Variants in MYO1B observed in about 807,000 individuals in gnomAD.
MYO1B encodes the protein unconventional myosin-Ib.
A neutral mutation model predicts 159.7 loss-of-function variants in MYO1B; 72 were observed. The ratio of observed to expected loss-of-function variants is 0.45; its 90% confidence interval spans 0.37 to 0.55. The LOEUF is 0.55. MYO1B is among the 20% of genes least tolerant of loss of function. The pLI is 0.00. For synonymous variants in MYO1B, 468 were observed against 473.8 expected, an observed-to-expected ratio of 0.99 and a Z score of 0.16; for missense variants, 1,062 against 1,364.8, an observed-to-expected ratio of 0.78 and a Z score of 3.50.
In MYO1B at chr2:191,260,254, C is replaced by CT. The variant is rs57237733; in HGVS notation, c.-10+14641dup. Among the ~76,000 whole-genome samples, 95 of 61,002 alleles carry CT rather than the reference C, an allele frequency of 1.6e-3. 8 individuals are homozygous for CT. Among genetic ancestry groups the CT allele is most frequent in the African/African-American group, 2.7e-3 (74 of 27,442 alleles). The allele number at this position is 61,002 out of a possible 152,430, so 40.0% of individuals were successfully genotyped here. A position where few individuals can be genotyped will look rare whatever the true frequency, so the allele number is the denominator to read the frequency against. ...TAATATTACTTTTTTCCCAGATAGGCTTTTTTTTTTTTTGAATTAAAGCTA... is the reference window on the plus strand; with the variant it reads ...TAATATTACTTTTTTCCCAGATAGGCTTTTTTTTTTTTTTGAATTAAAGCTA... On this transcript the variant is annotated intron_variant, in intron 1 of 30. Coordinates refer to ENST00000392318, the MANE Select transcript of MYO1B (RefSeq NM_001130158.3).
chr2:191,368,888 C>A (rs1694182232), intron 11 of MYO1B, among the ~76,000 whole-genome samples: 1 of 152,124 alleles, frequency 6.6e-6, no homozygotes, highest in East Asian at 1.9e-4. Context: ...GCACGAAAAT[C>A]CCTTGAACCC....
intron 3 of MYO1B, among the ~76,000 whole-genome samples, chr2:191,303,954 T>A (rs1201940083): frequency 6.6e-6 from 1 of 152,210 alleles, no homozygotes; most frequent in Non-Finnish European, 1.5e-5. Flanking sequence ...CCTTTTCCTT[T>A]TATGCATGAC....
At chr2:191,384,899 A>G (rs1386198078) in intron 15 of MYO1B, among the ~76,000 whole-genome samples, 1 of 152,228 alleles carries the variant, frequency 6.6e-6, no homozygotes, top group African/African-American at 2.4e-5. Context: ...TTAAACAATA[A>G]TGTTTGTTCT....
intron 13 of MYO1B, among the ~76,000 whole-genome samples, chr2:191,377,134 T>C (rs560129529): frequency 2.8e-4 from 43 of 152,326 alleles, no homozygotes; most frequent in Middle Eastern, 6.8e-3. Flanking sequence ...TATATACTTC[T>C]AAACATAGTA....
intron 3 of MYO1B, among the ~76,000 whole-genome samples, chr2:191,297,345 T>C (rs2125816838): frequency 6.6e-6 from 1 of 152,282 alleles, no homozygotes; most frequent in East Asian, 1.9e-4. Flanking sequence ...CGGGAGTTGG[T>C]TGATGCAGCA....
At position 191,416,160 on chromosome 2, in the gene MYO1B, C is replaced by A. The variant is rs746904076; in HGVS notation, c.3205C>A (p.His1069Asn). Residue 1069 changes from histidine to asparagine, a missense_variant, in exon 30 of 31, where the codon CAC becomes AAC. This residue lies in a region of MYO1B where 609 missense variants were observed against 744.4 expected (regional missense o/e 0.82). Coordinates refer to ENST00000392318, the MANE Select transcript of MYO1B (RefSeq NM_001130158.3). Reference sequence around the variant, plus strand: ...AGGAGACTTTCTCTTCAGCAGTGATCACCTGATTGAAATGGCCACCAAGCT... The same window carrying A: ...AGGAGACTTTCTCTTCAGCAGTGATAACCTGATTGAAATGGCCACCAAGCT... ...SKGDFLFSSD[H>N]LIEMATKLYR... 2.5e-6 allele frequency: 4 copies of A among 1,614,116 alleles called. No individual in the cohort carries two copies. The highest frequency in any genetic ancestry group is 3.4e-6 in the Non-Finnish European group (4 of 1,179,978).
rs573364576 is a variant in MYO1B at position 191,394,306 on chromosome 2, C to G, written c.2226+1084C>G. 1.3e-4 allele frequency among the ~76,000 whole-genome samples: 20 copies of G among 152,286 alleles called. No individual in the cohort carries two copies. In the South Asian group the frequency reaches 3.7e-3, roughly 28 times the overall value. On this transcript the variant is annotated intron_variant, in intron 20 of 30. Coordinates refer to ENST00000392318, the MANE Select transcript of MYO1B (RefSeq NM_001130158.3). ...TCTCCTCTGTACACATAGTACCACT[C>G]CTTAACTCTGCTGCAGATTCATAAT...
At chr2:191,383,448 T>TATATATATATATATATATATA (rs1553559096) in intron 15 of MYO1B, 106 bp downstream of exon 15, 2 of 127,350 alleles carry the variant, frequency 1.6e-5, no homozygotes, top group African/African-American at 8.1e-5. Context: ...TCACTGTTTT[T>TATATATATATATATATATATA]TATATATATA....
At chr2:191,287,024 CAT>C (rs1574342031) in intron 2 of MYO1B, among the ~76,000 whole-genome samples, 1 of 152,182 alleles carries the variant, frequency 6.6e-6, no homozygotes, top group East Asian at 1.9e-4. Flanking sequence ...ATGGTATTAA[CAT>C]ATTTTATGTA....
intron 2 of MYO1B, among the ~76,000 whole-genome samples, chr2:191,285,815 C>T (rs1361038951): frequency 6.6e-6 from 1 of 152,098 alleles, no homozygotes; most frequent in Non-Finnish European, 1.5e-5. Context: ...TCTTCACAAA[C>T]TTGGGTTGTG....
chr2:191,369,498 G>A (rs879029954), intron 11 of MYO1B, 44 bp from the exon 12 acceptor site: 12 of 1,351,188 alleles, frequency 8.9e-6, no homozygotes, highest in South Asian at 2.4e-5. Flanking sequence ...AGTAAGCATT[G>A]TGGAATTGTG....
chr2:191,315,186 T>TCCAC (rs1174387026), intron 3 of MYO1B, among the ~76,000 whole-genome samples: 3 of 151,450 alleles, frequency 2.0e-5, no homozygotes, highest in Non-Finnish European at 4.4e-5. Context: ...CATCCATCCA[T>TCCAC]CCATCCACCC....
chr2:191,291,167 G>A (rs778984799), intron 2 of MYO1B, among the ~76,000 whole-genome samples: 21 of 152,214 alleles, frequency 1.4e-4, no homozygotes, highest in Non-Finnish European at 2.9e-4. Flanking sequence ...CTGAACAGTG[G>A]TCTGGGGAGT....
chr2:191,395,886 A>T (rs1044150753), intron 20 of MYO1B, among the ~76,000 whole-genome samples: 5 of 152,252 alleles, frequency 3.3e-5, no homozygotes, highest in African/African-American at 9.6e-5. Flanking sequence ...TCATGGTCCT[A>T]TTAAAAGGCT....
chr2:191,380,334 T>A (rs1033817199), intron 13 of MYO1B, among the ~76,000 whole-genome samples: 8 of 152,208 alleles, frequency 5.3e-5, no homozygotes, highest in Non-Finnish European at 8.8e-5. Context: ...GCTCTGCCTG[T>A]TCACAAGGAG....
intron 14 of MYO1B, among the ~76,000 whole-genome samples, chr2:191,382,019 A>G (rs1441924222): frequency 6.6e-6 from 1 of 152,208 alleles, no homozygotes; most frequent in Non-Finnish European, 1.5e-5. Context: ...AGTGCTATGT[A>G]TAGATTATCT....
chr2:191,325,476 A>G (rs1404482991), intron 3 of MYO1B, among the ~76,000 whole-genome samples: 1 of 152,288 alleles, frequency 6.6e-6, no homozygotes, highest in African/African-American at 2.4e-5. Flanking sequence ...GCTAATGGAG[A>G]GGTCCAACTA....
chr2:191,355,072 T>A (rs143130421), intron 7 of MYO1B, among the ~76,000 whole-genome samples: 1 of 152,372 alleles, frequency 6.6e-6, no homozygotes, highest in Non-Finnish European at 1.5e-5. Flanking sequence ...ATTGTTTATA[T>A]ATTGGAGTTT....
chr2:191,383,554 A>G (rs918561131), intron 15 of MYO1B, among the ~76,000 whole-genome samples: 7 of 145,036 alleles, frequency 4.8e-5, no homozygotes, highest in African/African-American at 1.8e-4. Flanking sequence ...ACACATATAT[A>G]TATATGTTAA....
Sources: allele counts gnomAD v4.1 joint callset (sites outside exome capture counted in the v4.1 genomes callset), GRCh38; gene constraint gnomAD v4.1.1; regional missense constraint gnomAD v4.1.1; transcripts MANE v1.5; gene names NCBI Gene and HGNC (gene_info 2026-07-23, HGNC 2026-07-21).